The following CNTNAP4 variants were observed in gnomAD, a reference collection of about 807,000 sequenced individuals.
CNTNAP4 encodes contactin associated protein family member 4.
CNTNAP4 carries 98 observed loss-of-function variants against 148.4 expected under a neutral mutation model. That is an observed-to-expected ratio of 0.66 (90% CI 0.56 to 0.78). CNTNAP4 has a LOEUF of 0.78. Ranked by LOEUF, CNTNAP4 falls within the 30% of genes least tolerant of loss-of-function variation. The pLI, the probability that CNTNAP4 is intolerant of heterozygous loss-of-function variation, is 0.00. For missense variants in CNTNAP4, 1,935 were observed against 1,565.6 expected (o/e 1.24, Z -3.98); for synonymous variants, 730 against 565.1 (o/e 1.29, Z -4.14).
In CNTNAP4 at chr16:76,448,751, T is replaced by C; in HGVS notation, c.743-16T>C. 6.4e-6 allele frequency: 10 copies of C among 1,563,932 alleles called. No homozygotes were observed. Among genetic ancestry groups the C allele is most frequent in the Non-Finnish European group, 8.7e-6 (10 of 1,155,832 alleles). On this transcript the variant is annotated splice_polypyrimidine_tract_variant and intron_variant, in intron 5 of 23. Coordinates refer to ENST00000611870, the MANE Select transcript of CNTNAP4 (RefSeq NM_033401.5). ...GACTGGCAATAATGGTGCTGTTATT[T>C]TTCTCCTCTTCTAAGGTGAAGCTAA...
intron 6 of CNTNAP4, 78 bp from the exon 7 acceptor site, chr16:76,449,637 C>A: frequency 8.3e-7 from 1 of 1,198,044 alleles, no homozygotes; most frequent in South Asian, 1.6e-5. Flanking sequence ...ATGATTATAG[C>A]TATACTTGCT....
chr16:76,449,816 C>T lies in CNTNAP4; in HGVS notation c.1029C>T (p.Ile343=), dbSNP rs761479302. Residue 343 remains isoleucine (I), a synonymous_variant, in exon 7 of 24, where the codon ATC becomes ATT. Coordinates refer to ENST00000611870, the MANE Select transcript of CNTNAP4 (RefSeq NM_033401.5). ...LENLYYNGVD[I]IDLAKQQKPQ... ...ATCTCTATTATAATGGAGTGGATATCATTGATTTGGCCAAGCAGCAAAAAC... is the reference window on the plus strand; with the variant it reads ...ATCTCTATTATAATGGAGTGGATATTATTGATTTGGCCAAGCAGCAAAAAC... 1 of 1,607,500 alleles carries T rather than the reference C, an allele frequency of 6.2e-7. No individual in the cohort carries two copies. The highest frequency in any genetic ancestry group is 8.5e-7 in the Non-Finnish European group (1 of 1,177,066).
chr16:76,494,960 T>C lies in CNTNAP4; in HGVS notation c.2131T>C (p.Tyr711His). 2 of 1,613,634 alleles carry C rather than the reference T, an allele frequency of 1.2e-6. No individual in the cohort carries two copies. The highest frequency in any genetic ancestry group is 2.2e-5 in the East Asian group (1 of 44,854). ...WVGRTNETQT[Y>H]WGGSSPDLQK... ...AGGAAGAACCAATGAAACGCAAACC[T>C]ACTGGGGAGGTTCTTCGCCTGATCT... Residue 711 changes from tyrosine (Y) to histidine (H), a missense_variant, in exon 14 of 24, where the codon TAC becomes CAC. By Grantham distance (83) the Tyr-to-His change is moderately conservative. Transcript: ENST00000611870.
intron 2 of CNTNAP4, among the ~76,000 whole-genome samples, chr16:76,338,357 A>C (rs549208838): frequency 6.6e-6 from 1 of 152,082 alleles, no homozygotes; most frequent in Non-Finnish European, 1.5e-5. Context: ...CTTGATGACA[A>C]CTGCCCTCCT....
intron 3 of CNTNAP4, among the ~76,000 whole-genome samples, chr16:76,378,508 T>G (rs1278785776): frequency 6.6e-6 from 1 of 152,186 alleles, no homozygotes; most frequent in African/African-American, 2.4e-5. Flanking sequence ...GATTTGTATG[T>G]GCTGGTAAAC....
intron 3 of CNTNAP4, 42 bp from the exon 4 acceptor site, chr16:76,427,410 T>C (rs748751312): frequency 6.4e-6 from 10 of 1,550,920 alleles, no homozygotes; most frequent in Non-Finnish European, 8.7e-6. Flanking sequence ...GAAATGGATG[T>C]TCTCCAGATA....
At chr16:76,294,569 AAT>A (rs1385408676) in intron 1 of CNTNAP4, among the ~76,000 whole-genome samples, 48 of 152,350 alleles carry the variant, frequency 3.2e-4, no homozygotes, top group African/African-American at 1.1e-3. Context: ...AAAGAAACTA[AAT>A]ATGTTAAAAA....
chr16:76,542,711 C>T (rs1259960187), intron 21 of CNTNAP4, among the ~76,000 whole-genome samples: 1 of 152,182 alleles, frequency 6.6e-6, no homozygotes, highest in African/African-American at 2.4e-5. Flanking sequence ...CTCACTTAAG[C>T]CTACCTGCCA....
intron 3 of CNTNAP4, among the ~76,000 whole-genome samples, chr16:76,421,611 T>C (rs1348460497): frequency 6.6e-6 from 1 of 152,144 alleles, no homozygotes; most frequent in Non-Finnish European, 1.5e-5. Flanking sequence ...AGTAAAGATT[T>C]ATACCTGACA....
chr16:76,349,429 G>A (rs1386420013), intron 2 of CNTNAP4, among the ~76,000 whole-genome samples: 4 of 152,090 alleles, frequency 2.6e-5, no homozygotes, highest in Non-Finnish European at 5.9e-5. Flanking sequence ...GTAGAGTCAC[G>A]TTCTCTTCCA....
chr16:76,288,641 G>T (rs1958986722), intron 1 of CNTNAP4, among the ~76,000 whole-genome samples: 1 of 152,134 alleles, frequency 6.6e-6, no homozygotes, highest in Non-Finnish European at 1.5e-5. Context: ...TTTTTAAAAA[G>T]TTTCCTTTGC....
In CNTNAP4 at chr16:76,535,655, C is replaced by A; in HGVS notation, c.2866C>A (p.Pro956Thr). The change falls in exon 18 of 24, where the codon CCA (proline) becomes ACA (threonine). Residue 956 changes from proline to threonine, a missense_variant. By Grantham distance (38) the Pro-to-Thr change is conservative (BLOSUM62 -1). Coordinates refer to ENST00000611870, the MANE Select transcript of CNTNAP4 (RefSeq NM_033401.5). ...ERAQVTPEVQPGCRGHCSSYG... is the reference protein window; with the variant it reads ...ERAQVTPEVQTGCRGHCSSYG... The stretch of plus-strand genomic sequence containing the variant: ...AGCCCAGGTGACTCCAGAAGTGCAG[C>A]CAGGTTGTAGGGGACATTGCAGCAG... 3.1e-6 allele frequency: 5 copies of A among 1,614,030 alleles called. No individual in the cohort carries two copies. The highest frequency in any genetic ancestry group is 4.2e-6 in the Non-Finnish European group (5 of 1,179,994).
At chr16:76,386,716 G>C (rs543074772) in intron 3 of CNTNAP4, among the ~76,000 whole-genome samples, 2 of 152,062 alleles carry the variant, frequency 1.3e-5, no homozygotes, top group Non-Finnish European at 2.9e-5. Flanking sequence ...CTACCTTAAC[G>C]TTGGGACCTA....
chr16:76,527,633 G>A (rs568157617), intron 17 of CNTNAP4, among the ~76,000 whole-genome samples: 5 of 152,038 alleles, frequency 3.3e-5, no homozygotes, highest in Non-Finnish European at 5.9e-5. Context: ...GAGACTGATG[G>A]TAATAATAAT....
Position 76,355,418 on chromosome 16 carries a change from A to T in CNTNAP4, c.297A>T (p.Gly99=). The T allele has an allele frequency of 6.2e-7, 1 of 1,612,568 alleles. No homozygotes were observed. ...MEVTAVATQG[G]YGSSNWVTSY... Reference sequence around the variant, plus strand: ...TCACCGCTGTGGCCACTCAAGGGGGATATGGTAGCTCCAACTGGGTGACCA... The same window carrying T: ...TCACCGCTGTGGCCACTCAAGGGGGTTATGGTAGCTCCAACTGGGTGACCA... Residue 99 remains glycine (G), a synonymous_variant, in exon 3 of 24, where the codon GGA becomes GGT. Coordinates refer to ENST00000611870, the MANE Select transcript of CNTNAP4 (RefSeq NM_033401.5).
chr16:76,440,985 G>T (rs1385844436), intron 4 of CNTNAP4, among the ~76,000 whole-genome samples: 1 of 152,126 alleles, frequency 6.6e-6, no homozygotes, highest in South Asian at 2.1e-4. Context: ...GTGTGTGTAT[G>T]TGAAATATGC....
chr16:76,415,533 C>G (rs2078942408), intron 3 of CNTNAP4, among the ~76,000 whole-genome samples: 1 of 150,868 alleles, frequency 6.6e-6, no homozygotes, highest in Admixed American at 6.6e-5. Flanking sequence ...TAGTACAATA[C>G]TATTTATTAC....
intron 3 of CNTNAP4, among the ~76,000 whole-genome samples, chr16:76,401,738 T>C (rs1440019524): frequency 6.6e-6 from 1 of 152,144 alleles, no homozygotes; most frequent in Non-Finnish European, 1.5e-5. Context: ...TTATTGAGGA[T>C]TTTTTAACTT....
At chr16:76,379,084 C>G (rs1412567197) in intron 3 of CNTNAP4, among the ~76,000 whole-genome samples, 1 of 152,154 alleles carries the variant, frequency 6.6e-6, no homozygotes, top group Non-Finnish European at 1.5e-5. Flanking sequence ...ACCCCGGACT[C>G]AAAGATCCAT....
Sources: allele counts gnomAD v4.1 joint callset (sites outside exome capture counted in the v4.1 genomes callset), GRCh38; gene constraint gnomAD v4.1.1; transcripts MANE v1.5; gene names NCBI Gene and HGNC (gene_info 2026-07-23, HGNC 2026-07-21).